The following HS6ST3 variants were observed in gnomAD, a reference collection of about 807,000 sequenced individuals.
HS6ST3 encodes the protein heparan sulfate 6-O-sulfotransferase 3.
HS6ST3 carries 12 observed loss-of-function variants against 36.7 expected under a neutral mutation model. The ratio of observed to expected loss-of-function variants is 0.33; its 90% CI spans 0.21 to 0.53. The LOEUF (loss-of-function observed/expected upper bound fraction) is 0.53. Among genes scored for constraint, HS6ST3 ranks in the 20% least tolerant of loss-of-function variants. HS6ST3 has a pLI of 0.95. For synonymous variants in HS6ST3, 240 were observed against 257.5 expected (o/e 0.93, Z 0.65); for missense variants, 584 against 640.9 (o/e 0.91, Z 0.96).
At position 96,790,872 on chromosome 13, in the gene HS6ST3, T is replaced by A. The variant is rs1566454566; in HGVS notation, c.708-41618T>A. On this transcript the variant is annotated intron_variant, in intron 1 of 1. Coordinates refer to ENST00000376705, the MANE Select transcript of HS6ST3 (RefSeq NM_153456.4). ...ATGAATTAATTCCCTCACAAAATTC[T>A]GATAAATGTTTACCTAAACATTTAA... Among the ~76,000 whole-genome samples, 14 of 152,190 alleles carry A rather than the reference T, an allele frequency of 9.2e-5. No homozygotes were observed. In the South Asian group the frequency reaches 2.9e-3, roughly 32 times the overall value.
intron 1 of HS6ST3, among the ~76,000 whole-genome samples, chr13:96,536,751 G>A (rs998456093): frequency 6.6e-6 from 1 of 152,120 alleles, no homozygotes; most frequent in Non-Finnish European, 1.5e-5. Context: ...TGGCCCTCAG[G>A]GATCTCAAAG....
intron 1 of HS6ST3, among the ~76,000 whole-genome samples, chr13:96,708,408 A>C (rs1351803733): frequency 6.6e-6 from 1 of 152,194 alleles, no homozygotes; most frequent in Non-Finnish European, 1.5e-5. Context: ...AGAATACCCC[A>C]ATCTCTTTCT....
At chr13:96,629,969 CTTCAGGTTCATTAA>C in intron 1 of HS6ST3, among the ~76,000 whole-genome samples, 1 of 152,086 alleles carries the variant, frequency 6.6e-6, no homozygotes, top group East Asian at 1.9e-4. Context: ...GAGTTGATTA[CTTCAGGTTCATTAA>C]TTCAGGTTCA....
At chr13:96,363,148 C>A (rs1338795037) in intron 1 of HS6ST3, among the ~76,000 whole-genome samples, 3 of 151,820 alleles carry the variant, frequency 2.0e-5, no homozygotes, top group Non-Finnish European at 4.4e-5. Flanking sequence ...CTCACACACA[C>A]CACACACACA....
intron 1 of HS6ST3, among the ~76,000 whole-genome samples, chr13:96,798,742 A>T (rs1039963138): frequency 6.6e-6 from 1 of 151,836 alleles, no homozygotes. Flanking sequence ...GTGTGTCTCC[A>T]TGTGTGTGTA....
At chr13:96,553,793 G>T (rs2056229107) in intron 1 of HS6ST3, among the ~76,000 whole-genome samples, 1 of 152,154 alleles carries the variant, frequency 6.6e-6, no homozygotes, top group South Asian at 2.1e-4. Context: ...TTTACACAGG[G>T]TGAATTAAAT....
At chr13:96,189,960 A>G (rs575610185) in intron 1 of HS6ST3, among the ~76,000 whole-genome samples, 1 of 152,298 alleles carries the variant, frequency 6.6e-6, no homozygotes, top group Admixed American at 6.5e-5. Context: ...CCCACCCCAC[A>G]TTGACTCAGA....
intron 1 of HS6ST3, among the ~76,000 whole-genome samples, chr13:96,249,302 G>A (rs112833020): frequency 0.01 from 1,559 of 152,272 alleles, 26 homozygotes; most frequent in African/African-American, 0.035. Flanking sequence ...GGTGGACTTT[G>A]CTTAAGATAA....
chr13:96,413,374 T>A (rs1001441469), intron 1 of HS6ST3, among the ~76,000 whole-genome samples: 2 of 152,216 alleles, frequency 1.3e-5, no homozygotes, highest in Non-Finnish European at 2.9e-5. Context: ...AATTATTTTA[T>A]CTTTAGAATG....
intron 1 of HS6ST3, among the ~76,000 whole-genome samples, chr13:96,692,217 G>A (rs950543991): frequency 9.2e-5 from 14 of 152,086 alleles, no homozygotes; most frequent in African/African-American, 3.1e-4. Context: ...TATCTATGAG[G>A]GATTGGTTTC....
In HS6ST3 at chr13:96,353,660, A is replaced by G. The variant is rs1034380073; in HGVS notation, c.707+262091A>G. ...TATGGAAAATGTATCATAAGTAATC[A>G]AAAGATAAATAACAAACTAGGGAAA... On this transcript the variant is annotated intron_variant, in intron 1 of 1. Transcript: ENST00000376705. Among the ~76,000 whole-genome samples the G allele has an allele frequency of 5.9e-5, 9 of 152,314 alleles. No homozygotes were observed. The East Asian group carries it at 1.7e-3, about 29-fold the overall frequency.
intron 1 of HS6ST3, among the ~76,000 whole-genome samples, chr13:96,538,329 T>C (rs1397507238): frequency 6.6e-6 from 1 of 152,280 alleles, no homozygotes; most frequent in Admixed American, 6.5e-5. Context: ...TCTTGCCTTA[T>C]ATATTAATTA....
chr13:96,308,797 T>C (rs1397494225), intron 1 of HS6ST3, among the ~76,000 whole-genome samples: 2 of 152,146 alleles, frequency 1.3e-5, no homozygotes, highest in Non-Finnish European at 2.9e-5. Flanking sequence ...GAAGCAAAGA[T>C]TCTATCCATG....
intron 1 of HS6ST3, among the ~76,000 whole-genome samples, chr13:96,550,030 A>G (rs1046057962): frequency 6.6e-6 from 1 of 152,226 alleles, no homozygotes; most frequent in Non-Finnish European, 1.5e-5. Flanking sequence ...AAAGCATCAC[A>G]TAGTAATACA....
At chr13:96,317,326 T>TTATATA (rs537839404) in intron 1 of HS6ST3, among the ~76,000 whole-genome samples, 62 of 96,848 alleles carry the variant, frequency 6.4e-4, no homozygotes, top group East Asian at 1.1e-3. Context: ...TAGTATTCCA[T>TTATATA]TATATATATA....
chr13:96,680,847 A>G (rs1365552808), intron 1 of HS6ST3, among the ~76,000 whole-genome samples: 1 of 152,200 alleles, frequency 6.6e-6, no homozygotes, highest in East Asian at 1.9e-4. Context: ...AATATTGGGG[A>G]GGCATTAGGA....
At chr13:96,139,062 C>T (rs566093036) in intron 1 of HS6ST3, among the ~76,000 whole-genome samples, 4 of 151,992 alleles carry the variant, frequency 2.6e-5, no homozygotes, top group East Asian at 1.9e-4. Flanking sequence ...ATACAGCAAA[C>T]GTTTTATAAT....
At chr13:96,300,399 A>G (rs913669281) in intron 1 of HS6ST3, among the ~76,000 whole-genome samples, 3 of 151,950 alleles carry the variant, frequency 2.0e-5, no homozygotes, top group Non-Finnish European at 2.9e-5. Flanking sequence ...GACCCACTCA[A>G]TAGCAGGCAA....
At chr13:96,321,221 G>T (rs561504047) in intron 1 of HS6ST3, among the ~76,000 whole-genome samples, 2 of 151,834 alleles carry the variant, frequency 1.3e-5, no homozygotes, top group Non-Finnish European at 2.9e-5. Context: ...TGAATCTCAT[G>T]CTGTTAGACT....
Sources: gnomAD v4.1 joint callset for allele counts (sites outside exome capture counted in the v4.1 genomes callset) on GRCh38, gnomAD v4.1.1 for gene constraint, MANE v1.5 for transcripts, NCBI Gene and HGNC (gene_info 2026-07-23, HGNC 2026-07-21) for gene names.